The following TYW1 variants were observed in gnomAD, a reference collection of about 807,000 sequenced individuals.
TYW1 encodes tRNA-yW synthesizing protein 1 homolog, also known as S-adenosyl-L-methionine-dependent tRNA 4-demethylwyosine synthase TYW1.
TYW1 carries 46 observed loss-of-function variants against 96.2 expected under a neutral mutation model. The observed-to-expected ratio is 0.48, with a 90% CI of 0.38 to 0.61. TYW1 has a LOEUF of 0.61. Ranked by LOEUF, TYW1 falls within the 20% of genes least tolerant of loss-of-function variation. TYW1 has a pLI of 0.00. For missense variants in TYW1, 684 were observed against 909.6 expected, an observed-to-expected ratio of 0.75 and a Z score of 3.19; for synonymous variants, 274 against 323.0, an observed-to-expected ratio of 0.85 and a Z score of 1.63.
intron 3 of TYW1, among the ~76,000 whole-genome samples, chr7:67,004,344 C>T (rs1793497767): frequency 1.3e-5 from 2 of 151,914 alleles, no homozygotes; most frequent in Admixed American, 1.3e-4. Flanking sequence ...TAGATGAATC[C>T]CTGGGGGAGG....
chr7:67,043,348 G>C (rs1293394786), intron 7 of TYW1, among the ~76,000 whole-genome samples: 1 of 137,594 alleles, frequency 7.3e-6, no homozygotes, highest in African/African-American at 2.7e-5. Flanking sequence ...TAAATGTAAA[G>C]CCCATTGCTA....
intron 13 of TYW1, among the ~76,000 whole-genome samples, chr7:67,118,183 C>T (rs1312390660): frequency 6.6e-6 from 1 of 151,912 alleles, no homozygotes; most frequent in Non-Finnish European, 1.5e-5. Context: ...AAAAATTAGC[C>T]AGTTGTGATG....
intron 13 of TYW1, among the ~76,000 whole-genome samples, chr7:67,182,822 C>T (rs1434773464): frequency 6.6e-6 from 1 of 151,966 alleles, no homozygotes; most frequent in Non-Finnish European, 1.5e-5. Flanking sequence ...GTTTATCATT[C>T]CTTACTAAAT....
At chr7:67,057,519 C>T (rs560631685) in intron 9 of TYW1, among the ~76,000 whole-genome samples, 72 of 152,182 alleles carry the variant, frequency 4.7e-4, no homozygotes, top group Non-Finnish European at 8.4e-4. Context: ...TGTGCCAACA[C>T]GCCCAGCTAA....
intron 3 of TYW1, among the ~76,000 whole-genome samples, chr7:67,002,990 C>T (rs566840448): frequency 7.9e-5 from 12 of 151,826 alleles, no homozygotes; most frequent in African/African-American, 2.9e-4. Flanking sequence ...AGGCTGGTCT[C>T]AAACTCCTAG....
rs1796215793 is a variant in TYW1 at position 67,076,622 on chromosome 7, C to T, written c.1275-6808C>T. On this transcript the variant is annotated intron_variant, in intron 10 of 15. Coordinates refer to ENST00000359626, the MANE Select transcript of TYW1 (RefSeq NM_018264.4). Reference sequence around the variant, plus strand: ...TCCCAAGTAGCTGGGATTACAGGCACACGCCACCAAGCCTGGATAATTTTT... The same window carrying T: ...TCCCAAGTAGCTGGGATTACAGGCATACGCCACCAAGCCTGGATAATTTTT... 2.0e-5 allele frequency among the ~76,000 whole-genome samples: 3 copies of T among 151,730 alleles called. No homozygotes were observed. In the South Asian group the frequency reaches 6.2e-4, roughly 31 times the overall value.
At chr7:67,186,897 T>C (rs1324762023) in intron 14 of TYW1, among the ~76,000 whole-genome samples, 2 of 152,106 alleles carry the variant, frequency 1.3e-5, no homozygotes, top group African/African-American at 2.4e-5. Flanking sequence ...GTGATAGGCC[T>C]TGTTAAAGCT....
intron 12 of TYW1, among the ~76,000 whole-genome samples, chr7:67,106,856 C>T (rs1797260035): frequency 6.6e-6 from 1 of 152,186 alleles, no homozygotes; most frequent in African/African-American, 2.4e-5. Context: ...CTGTGTTCAG[C>T]ATTTCACTAT....
chr7:67,124,423 G>A (rs1797858245), intron 13 of TYW1, among the ~76,000 whole-genome samples: 1 of 151,960 alleles, frequency 6.6e-6, no homozygotes, highest in Non-Finnish European at 1.5e-5. Context: ...TGAGAGATGG[G>A]GTCTTGTTTG....
intron 5 of TYW1, among the ~76,000 whole-genome samples, chr7:67,015,590 A>G (rs1345226133): frequency 6.6e-6 from 1 of 151,924 alleles, no homozygotes; most frequent in African/African-American, 2.4e-5. Context: ...GGCCTCAAGC[A>G]GTCCTACCCA....
At chr7:67,148,972 C>G (rs1798702859) in intron 13 of TYW1, among the ~76,000 whole-genome samples, 1 of 152,314 alleles carries the variant, frequency 6.6e-6, no homozygotes, top group East Asian at 1.9e-4. Context: ...CCCATTGCCA[C>G]AAACAGATAA....
At chr7:67,114,124 T>C (rs1011987679) in intron 12 of TYW1, among the ~76,000 whole-genome samples, 2 of 152,142 alleles carry the variant, frequency 1.3e-5, no homozygotes, top group African/African-American at 4.8e-5. Context: ...AATAATTCTC[T>C]CCTTCTCTTT....
chr7:67,017,263 A>T (rs778236852), intron 5 of TYW1, among the ~76,000 whole-genome samples: 1 of 152,162 alleles, frequency 6.6e-6, no homozygotes, highest in Non-Finnish European at 1.5e-5. Context: ...GATTACAGAC[A>T]TGAGACACTT....
Position 67,095,659 on chromosome 7 carries a change from A to T in TYW1, c.1385-2882A>T, listed in dbSNP as rs578210437. On this transcript the variant is annotated intron_variant, in intron 11 of 15. Transcript: ENST00000359626. ...GGCAACAGGGCGAGACTCTGTCTCA[A>T]AAACAACAACAACAACAACAACAAC... Among the ~76,000 whole-genome samples the T allele has an allele frequency of 3.2e-3, 354 of 109,468 alleles. 1 individual carries two copies. Among genetic ancestry groups the T allele is most frequent in the African/African-American group, 0.013 (325 of 24,488 alleles). 71.8% of individuals were successfully genotyped at this position (109,468 alleles called of 152,430 possible). A position where few individuals can be genotyped will look rare whatever the true frequency, so the allele number is the denominator to read the frequency against.
intron 13 of TYW1, among the ~76,000 whole-genome samples, chr7:67,165,067 C>T (rs1174869731): frequency 2.0e-5 from 3 of 151,210 alleles, no homozygotes; most frequent in African/African-American, 7.3e-5. Context: ...AATTACACTC[C>T]CACCGTCAAT....
intron 13 of TYW1, among the ~76,000 whole-genome samples, chr7:67,126,768 G>C (rs1436600338): frequency 6.6e-6 from 1 of 151,970 alleles, no homozygotes; most frequent in African/African-American, 2.4e-5. Flanking sequence ...TTTTGCTAAA[G>C]ATCAGTTGAC....
In TYW1 at chr7:67,050,045, C is replaced by T. The variant is rs780118091; in HGVS notation, c.1081C>T (p.Arg361Ter). Residue 361 changes from arginine (R) to a stop codon, truncating the protein, a stop_gained, in exon 8 of 16, where the codon CGA becomes TGA. Transcript: ENST00000359626. LOFTEE classifies it high-confidence loss of function. ...AAGAGCTATGATAACTCCTGCTCTC[C>T]GAGAAGCCCTTACTAAACAAGGTGA... ...ERRAMITPALREALTKQGYQL... is the reference protein window; with the variant it reads ...ERRAMITPAL 3.1e-6 allele frequency: 5 copies of T among 1,613,830 alleles called. No homozygotes were observed. The highest frequency in any genetic ancestry group is 1.3e-5 in the African/African-American group (1 of 74,972).
rs376084852 is a variant in TYW1, at chr7:66,996,937, A to G, written c.-42A>G. ...CGGTACCAGTGCGAATCATCGGGCT[A>G]TCCAGGTCCGAGATCCTAGTCTCCT... On this transcript the variant is annotated 5_prime_UTR_variant, in exon 1 of 16. Transcript: ENST00000359626. The G allele has an allele frequency of 1.9e-6, 3 of 1,613,914 alleles. No homozygotes were observed. Among genetic ancestry groups the G allele is most frequent in the Non-Finnish European group, 2.5e-6 (3 of 1,179,942 alleles).
intron 15 of TYW1, among the ~76,000 whole-genome samples, chr7:67,233,334 C>T (rs1027162871): frequency 7.4e-6 from 1 of 135,422 alleles, no homozygotes; most frequent in Admixed American, 7.4e-5. Flanking sequence ...GAACCTATGC[C>T]ATTATTATTG....
Sources: gnomAD v4.1 joint callset for allele counts (sites outside exome capture counted in the v4.1 genomes callset) on GRCh38, gnomAD v4.1.1 for gene constraint, MANE v1.5 for transcripts, NCBI Gene and HGNC (gene_info 2026-07-23, HGNC 2026-07-21) for gene names.